ATP2A2: variants seen among roughly 807,000 people sequenced by gnomAD.
ATP2A2 encodes the protein sarcoplasmic/endoplasmic reticulum calcium ATPase 2.
ATP2A2 carries 14 observed loss-of-function variants against 109.3 expected under a neutral mutation model. The ratio of observed to expected loss-of-function variants is 0.13; its 90% CI spans 0.08 to 0.20. The LOEUF (loss-of-function observed/expected upper bound fraction) is 0.20, where lower values mean the gene tolerates loss of function less well. Ranked by LOEUF, ATP2A2 falls within the 10% of genes least tolerant of loss-of-function variation. The pLI, the probability that ATP2A2 is intolerant of heterozygous loss-of-function variation, is 1.00. For synonymous variants in ATP2A2, 506 were observed against 490.9 expected (o/e 1.03, Z -0.41); for missense variants, 657 against 1,321.6 (o/e 0.50, Z 7.80).
At chr12:110,307,799 C>A (rs144709771) in intron 5 of ATP2A2, among the ~76,000 whole-genome samples, 2 of 152,272 alleles carry the variant, frequency 1.3e-5, no homozygotes, top group Non-Finnish European at 2.9e-5. Context: ...TGTAGGTTGT[C>A]AGTTTACTCT....
chr12:110,282,927 C>T (rs1592784291), intron 3 of ATP2A2, 132 bp downstream of exon 3: 1 of 804,590 alleles, frequency 1.2e-6, no homozygotes, highest in Non-Finnish European at 2.0e-6. Flanking sequence ...TGTTTAAAAA[C>T]AATCTGGGCA....
At position 110,340,772 on chromosome 12, in the gene ATP2A2, G is replaced by A. The variant is rs1592861084; in HGVS notation, c.1875G>A (p.Gly625=). The change falls in exon 14 of 20, where the codon GGG becomes GGA. Residue 625 remains glycine, a synonymous_variant. Transcript: ENST00000539276. This position sits in a 1 kb window ranked among gnomAD's most constrained non-coding sequence, Gnocchi z 6.0. ...GCATCCGGGTCATCATGATCACTGG[G>A]GACAACAAGGGCACTGCTGTGGCCA... ...QAGIRVIMIT[G]DNKGTAVAIC... is the part of the protein sequence containing the mutation. The A allele has an allele frequency of 6.2e-7, 1 of 1,613,972 alleles. No homozygotes were observed.
chr12:110,324,979 G>A (rs1877632932), intron 6 of ATP2A2, among the ~76,000 whole-genome samples: 1 of 151,354 alleles, frequency 6.6e-6, no homozygotes, highest in Non-Finnish European at 1.5e-5. Flanking sequence ...ACCACACCTG[G>A]CTAATTGTAT....
intron 14 of ATP2A2, 116 bp downstream of exon 14, chr12:110,341,110 T>G: frequency 1.7e-6 from 2 of 1,159,076 alleles, no homozygotes; most frequent in Non-Finnish European, 2.5e-6. Context: ...TGTCATGATT[T>G]GGGTCTTTTC....
chr12:110,285,628 C>T (rs556152583), intron 3 of ATP2A2, among the ~76,000 whole-genome samples: 67 of 152,040 alleles, frequency 4.4e-4, no homozygotes, highest in African/African-American at 1.5e-3. Context: ...TTGGGTGGTC[C>T]GGAAAGTTCT....
intron 5 of ATP2A2, among the ~76,000 whole-genome samples, chr12:110,304,772 T>G (rs1379404389): frequency 6.6e-6 from 1 of 152,210 alleles, no homozygotes; most frequent in African/African-American, 2.4e-5. Context: ...AGTCCACTTA[T>G]ACATTGTTGT....
chr12:110,305,341 G>A (rs1399806805), intron 5 of ATP2A2, among the ~76,000 whole-genome samples: 1 of 152,152 alleles, frequency 6.6e-6, no homozygotes, highest in African/African-American at 2.4e-5. Flanking sequence ...AGTGGAGGCT[G>A]CAGTGAGCTA....
intron 4 of ATP2A2, among the ~76,000 whole-genome samples, chr12:110,292,710 C>T (rs1342226699): frequency 1.3e-5 from 2 of 152,114 alleles, no homozygotes; most frequent in East Asian, 3.9e-4. Context: ...TTGCTTGAAC[C>T]CAGGAGGTCA....
chr12:110,313,015 A>T (rs1410279370), intron 5 of ATP2A2, among the ~76,000 whole-genome samples: 1 of 152,122 alleles, frequency 6.6e-6, no homozygotes, highest in Non-Finnish European at 1.5e-5. Flanking sequence ...CAGCATAGAG[A>T]GTTTTTGAGT....
At chr12:110,331,231 A>C (rs1352278612) in intron 8 of ATP2A2, 1 of 151,804 alleles carries the variant, frequency 6.6e-6, no homozygotes, top group Non-Finnish European at 1.5e-5. Flanking sequence ...GACAGAGTGA[A>C]ACTCCACCTC....
Position 110,334,339 on chromosome 12 carries a change from A to G in ATP2A2, c.1419+196A>G, listed in dbSNP as rs1592852838. 5.5e-6 allele frequency: 4 copies of G among 731,976 alleles called. No homozygotes were observed. In the East Asian group the frequency reaches 1.1e-4, roughly 21 times the overall value. The allele number at this position is 731,976 out of a possible 1,614,324, so 45.3% of individuals were successfully genotyped here. On this transcript the variant is annotated intron_variant, in intron 11 of 19. Coordinates refer to ENST00000539276, the MANE Select transcript of ATP2A2 (RefSeq NM_170665.4). The stretch of plus-strand genomic sequence containing the variant: ...TTGACCAGGAAAATAAAAGCAATCA[A>G]TAGCTAATTTCCTTGAGCGACCCTC...
chr12:110,315,103 T>C (rs1592830171), intron 5 of ATP2A2, among the ~76,000 whole-genome samples: 1 of 152,164 alleles, frequency 6.6e-6, no homozygotes. Flanking sequence ...CCTGACCTTG[T>C]GATCCGCCTG....
intron 3 of ATP2A2, among the ~76,000 whole-genome samples, chr12:110,290,210 C>A (rs886628869): frequency 6.6e-6 from 1 of 152,250 alleles, no homozygotes; most frequent in East Asian, 1.9e-4. Flanking sequence ...TTTTTTGTTT[C>A]TTTTATAGAG....
intron 5 of ATP2A2, among the ~76,000 whole-genome samples, chr12:110,299,998 C>T (rs1305182848): frequency 6.6e-6 from 1 of 151,344 alleles, no homozygotes; most frequent in Non-Finnish European, 1.5e-5. Context: ...TCAGGTGGTC[C>T]GCCCGCCTCA....
chr12:110,318,719 C>G (rs1876927718), intron 5 of ATP2A2, among the ~76,000 whole-genome samples: 1 of 152,206 alleles, frequency 6.6e-6, no homozygotes, highest in Admixed American at 6.5e-5. Context: ...GGTGATCTGC[C>G]TGTCTCAGCT....
At chr12:110,335,445 C>T (rs1878751608) in intron 11 of ATP2A2, among the ~76,000 whole-genome samples, 1 of 152,126 alleles carries the variant, frequency 6.6e-6, no homozygotes, top group African/African-American at 2.4e-5. Context: ...GGGAGAGTCA[C>T]TTGAGGCCTA....
At position 110,346,630 on chromosome 12, in the gene ATP2A2, G is replaced by C. The variant is rs1042653; in HGVS notation, c.*160G>C. The stretch of plus-strand genomic sequence containing the variant: ...TTTTGCTTTTTCTGACTCCAGTGGG[G>C]CAAGATTTTCCTTTTTTATACACAT... On this transcript the variant is annotated 3_prime_UTR_variant, in exon 20 of 20. Transcript: ENST00000539276. 1 of 1,475,000 alleles carries C rather than the reference G, an allele frequency of 6.8e-7. No individual in the cohort carries two copies. Among genetic ancestry groups the C allele is most frequent in the Non-Finnish European group, 8.9e-7 (1 of 1,122,806 alleles). 91.4% of individuals were successfully genotyped at this position (1,475,000 alleles called of 1,614,324 possible).
chr12:110,281,774 C>G lies in ATP2A2; in HGVS notation c.-16C>G. The G allele has an allele frequency of 6.7e-7, 1 of 1,483,088 alleles. No homozygotes were observed. Among genetic ancestry groups the G allele is most frequent in the Non-Finnish European group, 9.0e-7 (1 of 1,111,640 alleles). 91.9% of individuals were successfully genotyped at this position (1,483,088 alleles called of 1,614,324 possible). On this transcript the variant is annotated 5_prime_UTR_variant, in exon 1 of 20. Transcript: ENST00000539276. ...CCGCGGGGACGGGAGGCGAGGCCGG[C>G]CGGGCCCCCGAAGCCATGGAGAACG...
At chr12:110,344,160 G>C (rs1454995668) in intron 16 of ATP2A2, among the ~76,000 whole-genome samples, 1 of 152,046 alleles carries the variant, frequency 6.6e-6, no homozygotes, top group African/African-American at 2.4e-5. Flanking sequence ...TCCATATCCG[G>C]ACATGCGTAG....
Sources: gnomAD v4.1 joint callset for allele counts (sites outside exome capture counted in the v4.1 genomes callset) on GRCh38, gnomAD v4.1.1 for gene constraint, Gnocchi (gnomAD v3.1) non-coding constraint, MANE v1.5 for transcripts, NCBI Gene and HGNC (gene_info 2026-07-23, HGNC 2026-07-21) for gene names.